TSC22D1: variants seen among roughly 807,000 people sequenced by gnomAD.
TSC22D1 encodes the protein TSC22 domain family protein 1.
In TSC22D1, 9 loss-of-function variants were observed where a neutral mutation model predicts 74.2. The ratio of observed to expected loss-of-function variants is 0.12; its 90% confidence interval spans 0.07 to 0.21. The LOEUF is 0.21. Ranked by LOEUF, TSC22D1 falls within the 10% of genes least tolerant of loss-of-function variation. TSC22D1 has a pLI of 1.00. For synonymous variants in TSC22D1, 586 were observed against 492.5 expected (o/e 1.19, Z -2.51); for missense variants, 1,427 against 1,304.7 (o/e 1.09, Z -1.44).
At chr13:44,547,507 C>A (rs1270378080) in intron 1 of TSC22D1, among the ~76,000 whole-genome samples, 1 of 152,106 alleles carries the variant, frequency 6.6e-6, no homozygotes, top group Non-Finnish European at 1.5e-5. Flanking sequence ...AACAAAAAAG[C>A]AAAAGTTCTT....
chr13:44,538,779 G>A (rs1881298722), intron 1 of TSC22D1: 1 of 985,390 alleles, frequency 1.0e-6, no homozygotes, highest in Non-Finnish European at 1.2e-6. Flanking sequence ...ATTCACCACT[G>A]CCTTCCAAAC....
chr13:44,435,541 G>A (rs1874515626), intron 2 of TSC22D1, among the ~76,000 whole-genome samples: 1 of 152,194 alleles, frequency 6.6e-6, no homozygotes, highest in Non-Finnish European at 1.5e-5. Context: ...CCAGGCGCAG[G>A]CTAAGAAAAC....
chr13:44,546,150 A>C (rs555620489), intron 1 of TSC22D1, among the ~76,000 whole-genome samples: 4 of 152,336 alleles, frequency 2.6e-5, no homozygotes, highest in African/African-American at 9.6e-5. Flanking sequence ...GAAACAAAAA[A>C]AGATGTTAAA....
chr13:44,526,568 AAG>A (rs1303595383), intron 1 of TSC22D1, among the ~76,000 whole-genome samples: 1 of 152,192 alleles, frequency 6.6e-6, no homozygotes, highest in Non-Finnish European at 1.5e-5. Flanking sequence ...ACAGAAAAGA[AAG>A]AGAGAAGGAA....
At chr13:44,487,335 C>T (rs1339465759) in intron 1 of TSC22D1, among the ~76,000 whole-genome samples, 1 of 151,264 alleles carries the variant, frequency 6.6e-6, no homozygotes, top group Non-Finnish European at 1.5e-5. Flanking sequence ...CCTGTCTCTA[C>T]TAAAAATACA....
At chr13:44,542,852 G>T (rs905676855) in intron 1 of TSC22D1, among the ~76,000 whole-genome samples, 2 of 152,050 alleles carry the variant, frequency 1.3e-5, no homozygotes, top group African/African-American at 4.8e-5. Context: ...ATTATTGATG[G>T]AAGCTCCTAA....
At chr13:44,516,417 A>G (rs898500778) in intron 1 of TSC22D1, 1 of 408,118 alleles carries the variant, frequency 2.5e-6, no homozygotes, top group Admixed American at 2.7e-5. Context: ...TGAAGACTTG[A>G]AATCAAGCTC....
intron 2 of TSC22D1, chr13:44,435,825 G>A (rs753711980): frequency 1.4e-5 from 8 of 586,230 alleles, no homozygotes; most frequent in Non-Finnish European, 2.4e-5. Flanking sequence ...AAACCAGTCC[G>A]GGGAAGAAGA....
intron 1 of TSC22D1, among the ~76,000 whole-genome samples, chr13:44,555,416 C>G (rs565949101): frequency 2.0e-5 from 3 of 152,018 alleles, no homozygotes; most frequent in African/African-American, 7.2e-5. Flanking sequence ...TGAGACCAGA[C>G]TGGCCAACAG....
chr13:44,554,729 T>A (rs943918118), intron 1 of TSC22D1, among the ~76,000 whole-genome samples: 15 of 152,030 alleles, frequency 9.9e-5, no homozygotes, highest in African/African-American at 3.6e-4. Context: ...TAAAATAATT[T>A]TTATATAGAT....
intron 1 of TSC22D1, among the ~76,000 whole-genome samples, chr13:44,504,229 C>G (rs1266300739): frequency 1.3e-5 from 2 of 150,278 alleles, no homozygotes; most frequent in Non-Finnish European, 3.0e-5. Context: ...ACCCGCCCCT[C>G]CCCGGAAACC....
chr13:44,532,883 T>G (rs775211911), intron 1 of TSC22D1, among the ~76,000 whole-genome samples: 10 of 152,134 alleles, frequency 6.6e-5, no homozygotes, highest in Admixed American at 2.6e-4. Flanking sequence ...GGGAAATTAA[T>G]AGCTATCTTG....
chr13:44,456,158 C>T (rs1314496050), intron 1 of TSC22D1, among the ~76,000 whole-genome samples: 2 of 152,164 alleles, frequency 1.3e-5, no homozygotes, highest in African/African-American at 4.8e-5. Context: ...CAGCTCAGCT[C>T]ATAAAGGTAG....
intron 1 of TSC22D1, among the ~76,000 whole-genome samples, chr13:44,447,249 G>A (rs975017556): frequency 2.0e-5 from 3 of 151,554 alleles, no homozygotes; most frequent in African/African-American, 4.9e-5. Flanking sequence ...CTTCCAAAGT[G>A]TTGAGATTAT....
At chr13:44,491,642 T>C (rs946289302) in intron 1 of TSC22D1, among the ~76,000 whole-genome samples, 2 of 151,056 alleles carry the variant, frequency 1.3e-5, no homozygotes, top group African/African-American at 4.9e-5. Context: ...AAAAATCCAA[T>C]AGAAAATTGA....
At chr13:44,501,143 C>T (rs947305865) in intron 1 of TSC22D1, among the ~76,000 whole-genome samples, 5 of 152,064 alleles carry the variant, frequency 3.3e-5, no homozygotes, top group South Asian at 2.1e-4. Context: ...CTAGAAACTG[C>T]GAGGTGGTGA....
chr13:44,437,319 A>G, intron 1 of TSC22D1: 1 of 942,454 alleles, frequency 1.1e-6, no homozygotes, highest in Non-Finnish European at 1.3e-6. Context: ...CTTGATTTCA[A>G]TTATCTAGTT....
intron 1 of TSC22D1, among the ~76,000 whole-genome samples, chr13:44,465,086 C>T (rs765898474): frequency 1.3e-5 from 2 of 152,188 alleles, no homozygotes; most frequent in Non-Finnish European, 2.9e-5. Context: ...TTATTTTTAA[C>T]ACATAATGCT....
chr13:44,513,954 G>A (rs566803867), intron 1 of TSC22D1, among the ~76,000 whole-genome samples: 1 of 152,230 alleles, frequency 6.6e-6, no homozygotes, highest in Non-Finnish European at 1.5e-5. Flanking sequence ...TAGAAAAGTT[G>A]CTAAAAGTTC....
Sources: gnomAD v4.1 joint callset for allele counts (sites outside exome capture counted in the v4.1 genomes callset) on GRCh38, gnomAD v4.1.1 for gene constraint, MANE v1.5 for transcripts, NCBI Gene and HGNC (gene_info 2026-07-23, HGNC 2026-07-21) for gene names.